AGL: variants seen among roughly 807,000 people sequenced by gnomAD.
AGL encodes the protein amylo-alpha-1,6-glucosidase and 4-alpha-glucanotransferase.
In AGL, 128 loss-of-function variants were observed where a neutral mutation model predicts 199.3. The ratio of observed to expected loss-of-function variants is 0.64; its 90% CI spans 0.56 to 0.74. AGL has a LOEUF of 0.74. Among genes scored for constraint, AGL ranks in the 30% least tolerant of loss-of-function variants. The pLI is 0.00. For synonymous variants in AGL, 584 were observed against 594.7 expected, an observed-to-expected ratio of 0.98 and a Z score of 0.26; for missense variants, 1,809 against 1,820.8, an observed-to-expected ratio of 0.99 and a Z score of 0.12.
At position 99,922,875 on chromosome 1, in the gene AGL, C is replaced by T. The variant is rs12563807; in HGVS notation, c.*1224C>T. 29 of 152,056 alleles carry T rather than the reference C, an allele frequency of 1.9e-4. No homozygotes were observed. The East Asian group carries it at 5.0e-3, about 26-fold the overall frequency. 9.4% of individuals were successfully genotyped at this position (152,056 alleles called of 1,614,324 possible). A position where few individuals can be genotyped will look rare whatever the true frequency, so the allele number is the denominator to read the frequency against. ...ATAATGGTATTTTAAAATAATGCTA[C>T]TTTCAAAGTAGCATTTTTTTAGTTA... On this transcript the variant is annotated 3_prime_UTR_variant, in exon 34 of 34. Coordinates refer to ENST00000361915, the MANE Select transcript of AGL (RefSeq NM_000642.3).
intron 17 of AGL, among the ~76,000 whole-genome samples, chr1:99,883,152 T>G (rs1263325998): frequency 6.6e-6 from 1 of 152,184 alleles, no homozygotes; most frequent in African/African-American, 2.4e-5. Flanking sequence ...TGTTACTAAG[T>G]GTTAAATATA....
chr1:99,907,042 A>G (rs1303493352), intron 27 of AGL, among the ~76,000 whole-genome samples: 1 of 152,164 alleles, frequency 6.6e-6, no homozygotes, highest in Non-Finnish European at 1.5e-5. Flanking sequence ...TTCTTTTGAT[A>G]GTTACCATCC....
intron 33 of AGL, among the ~76,000 whole-genome samples, chr1:99,917,563 GA>G (rs1357588468): frequency 6.6e-6 from 1 of 152,160 alleles, no homozygotes; most frequent in African/African-American, 2.4e-5. Context: ...CTTAAGGTCT[GA>G]AATTGTGAAA....
At chr1:99,891,857 C>A in intron 23 of AGL, 118 bp downstream of exon 23, 2 of 1,181,186 alleles carry the variant, frequency 1.7e-6, no homozygotes, top group Non-Finnish European at 2.5e-6. Flanking sequence ...ACTGAAAAGG[C>A]TTGTAGGTGG....
At chr1:99,903,563 C>G (rs1205542710) in intron 27 of AGL, among the ~76,000 whole-genome samples, 1 of 152,112 alleles carries the variant, frequency 6.6e-6, no homozygotes, top group Non-Finnish European at 1.5e-5. Context: ...GGTTCCAAGT[C>G]TTTGCTATTG....
At chr1:99,874,517 A>ACGTGCACG (rs1651330150) in intron 7 of AGL, 170 bp from the exon 8 acceptor site, 1 of 649,430 alleles carries the variant, frequency 1.5e-6, no homozygotes, top group African/African-American at 1.8e-5. Context: ...GCACGTGCAC[A>ACGTGCACG]CACGTGCACA....
intron 5 of AGL, among the ~76,000 whole-genome samples, chr1:99,867,293 A>T (rs981386989): frequency 2.6e-5 from 4 of 152,224 alleles, no homozygotes; most frequent in African/African-American, 9.6e-5. Flanking sequence ...GGAGAAACAT[A>T]TGAAGATCTA....
Position 99,910,749 on chromosome 1 carries a change from A to G in AGL, c.3738A>G (p.Gly1246=), listed in dbSNP as rs780617757. The G allele has an allele frequency of 2.5e-6, 4 of 1,611,120 alleles. No individual in the cohort carries two copies. The South Asian group carries it at 4.4e-5, about 18-fold the overall frequency. Residue 1246 remains glycine, a synonymous_variant, in exon 28 of 34, where the codon GGA becomes GGG. Coordinates refer to ENST00000361915, the MANE Select transcript of AGL (RefSeq NM_000642.3). ...CTGCAGGAGTTGATGAAGAAACAGG[A>G]TTTGTTTATGGAGGAAATCGTTTCA... ...NITAGVDEET[G]FVYGGNRFNC... is the part of the protein sequence containing the mutation.
intron 2 of AGL, chr1:99,852,775 A>AT (rs1649087207): frequency 6.4e-6 from 5 of 775,674 alleles, no homozygotes; most frequent in African/African-American, 1.7e-5. Flanking sequence ...TAATACATGA[A>AT]TTTTTTGTGA....
At chr1:99,915,250 GT>G in intron 30 of AGL, 138 bp from the exon 31 acceptor site, 1 of 743,916 alleles carries the variant, frequency 1.3e-6, no homozygotes, top group Admixed American at 2.1e-5. Flanking sequence ...GATTAGATCT[GT>G]TTAGGCATCT....
chr1:99,888,977 A>T (rs1449562813), intron 21 of AGL, among the ~76,000 whole-genome samples: 3 of 152,134 alleles, frequency 2.0e-5, no homozygotes, highest in Non-Finnish European at 2.9e-5. Context: ...AGTTAGTATA[A>T]TGATTTTTGT....
In AGL at chr1:99,881,341, C is replaced by T. The variant is rs1284824337; in HGVS notation, c.2051C>T (p.Ala684Val). 4.3e-6 allele frequency: 7 copies of T among 1,614,014 alleles called. No homozygotes were observed. The highest frequency in any genetic ancestry group is 2.2e-5 in the East Asian group (1 of 44,894). ...ERFYTKWNPE[A>V]LPSNTGEVNF... is the part of the protein sequence containing the mutation. ...TTTTACACTAAGTGGAATCCTGAAG[C>T]ATTGCCTTCAAACACAGGTGAAGTT... Residue 684 changes from alanine to valine, a missense_variant, in exon 16 of 34, where the codon GCA becomes GTA. Coordinates refer to ENST00000361915, the MANE Select transcript of AGL (RefSeq NM_000642.3).
At chr1:99,916,546 G>A in intron 32 of AGL, 49 bp downstream of exon 32, 1 of 1,603,938 alleles carries the variant, frequency 6.2e-7, no homozygotes, top group Non-Finnish European at 8.5e-7. Context: ...TATTTTTCAA[G>A]TAATTTTTAG....
intron 24 of AGL, among the ~76,000 whole-genome samples, chr1:99,895,064 T>C (rs375002756): frequency 1.3e-5 from 2 of 152,218 alleles, no homozygotes; most frequent in East Asian, 3.8e-4. Context: ...TTTTTTTCTT[T>C]TGAGACAGAG....
intron 3 of AGL, 59 bp from the exon 4 acceptor site, chr1:99,862,198 A>T: frequency 6.7e-7 from 1 of 1,495,800 alleles, no homozygotes; most frequent in Non-Finnish European, 9.3e-7. Flanking sequence ...AGACTATATT[A>T]TATGAGGATT....
chr1:99,891,610 G>A lies in AGL; in HGVS notation c.2954G>A (p.Gly985Asp). 1 of 1,613,436 alleles carries A rather than the reference G, an allele frequency of 6.2e-7. No individual in the cohort carries two copies. Among genetic ancestry groups the A allele is most frequent in the South Asian group, 1.1e-5 (1 of 91,074 alleles). Residue 985 changes from glycine (G) to aspartate (D), a missense_variant, in exon 23 of 34, where the codon GGT becomes GAT. By Grantham distance (94) the Gly-to-Asp change is moderately conservative. Coordinates refer to ENST00000361915, the MANE Select transcript of AGL (RefSeq NM_000642.3). ...TCAAATTTATTTTAATTACAGGTTGGTAAATGGTTGCAGGCTATGTTCTTC... is the reference window on the plus strand; with the variant it reads ...TCAAATTTATTTTAATTACAGGTTGATAAATGGTTGCAGGCTATGTTCTTC... ...ISRSGTIAEV[G>D]KWLQAMFFYL...
chr1:99,902,102 ATT>A, intron 26 of AGL, among the ~76,000 whole-genome samples: 1 of 152,124 alleles, frequency 6.6e-6, no homozygotes. Context: ...GACTCTAAAC[ATT>A]TTGCTTCTAT....
chr1:99,857,855 A>AGGGGGTGGGGGGGG (rs1649692892), intron 2 of AGL, among the ~76,000 whole-genome samples: 1 of 20,050 alleles, frequency 5.0e-5, no homozygotes, highest in African/African-American at 2.1e-4. Flanking sequence ...GGAGGGGGGA[A>AGGGGGTGGGGGGGG]GAGGGAGAGG....
At chr1:99,900,010 ACCTCTG>A (rs1653695292) in intron 25 of AGL, among the ~76,000 whole-genome samples, 1 of 151,324 alleles carries the variant, frequency 6.6e-6, no homozygotes, top group African/African-American at 2.4e-5. Context: ...GCTCACTGCA[ACCTCTG>A]CCTCCTGGGT....
Sources: gnomAD v4.1 joint callset for allele counts (sites outside exome capture counted in the v4.1 genomes callset) on GRCh38, gnomAD v4.1.1 for gene constraint, MANE v1.5 for transcripts, NCBI Gene and HGNC (gene_info 2026-07-23, HGNC 2026-07-21) for gene names.